Variants in CHN1 observed in about 807,000 individuals in gnomAD.
The protein encoded by CHN1 is N-chimaerin.
Under a neutral mutation model 59.5 loss-of-function variants are expected in CHN1, and 37 were observed. That is an observed-to-expected ratio of 0.62 (90% confidence interval 0.48 to 0.82). The LOEUF is 0.82. CHN1 is among the 40% of genes least tolerant of loss of function. CHN1 has a pLI of 0.00. For missense variants in CHN1, 469 were observed against 571.0 expected, an observed-to-expected ratio of 0.82 and a Z score of 1.82; for synonymous variants, 206 against 200.4, an observed-to-expected ratio of 1.03 and a Z score of -0.24.
At chr2:174,986,300 G>C (rs1691338335) in intron 1 of CHN1, among the ~76,000 whole-genome samples, 1 of 152,112 alleles carries the variant, frequency 6.6e-6, no homozygotes, top group Non-Finnish European at 1.5e-5. Context: ...AGAAAAGGGG[G>C]CCCTTTGTTT....
At chr2:174,985,291 T>C (rs957544938) in intron 1 of CHN1, among the ~76,000 whole-genome samples, 1 of 152,186 alleles carries the variant, frequency 6.6e-6, no homozygotes, top group African/African-American at 2.4e-5. Context: ...CTAATGACAA[T>C]GTTAATGTAA....
At position 174,802,734 on chromosome 2, in the gene CHN1, G is replaced by A. The variant is rs1018599379; in HGVS notation, c.1103-922C>T. 7.2e-5 allele frequency among the ~76,000 whole-genome samples: 11 copies of A among 152,294 alleles called. 1 individual carries two copies. In the South Asian group the frequency reaches 1.9e-3, roughly 26 times the overall value. Reference sequence around the variant, plus strand: ...TGCTTCTACTCAAAGGTCAAAAGATGGGGTGCTTTTAAAAGTTGGGTTAGG... The same window carrying A: ...TGCTTCTACTCAAAGGTCAAAAGATAGGGTGCTTTTAAAAGTTGGGTTAGG... On this transcript the variant is annotated intron_variant, in intron 11 of 12. Coordinates refer to ENST00000409900, the MANE Select transcript of CHN1 (RefSeq NM_001822.7).
chr2:174,926,790 C>T (rs569992866), intron 3 of CHN1, among the ~76,000 whole-genome samples: 1 of 151,430 alleles, frequency 6.6e-6, no homozygotes, highest in African/African-American at 2.4e-5. Context: ...CGGAGTCTTG[C>T]TCTGTTGCCC....
intron 1 of CHN1, among the ~76,000 whole-genome samples, chr2:174,975,988 T>C (rs1198801419): frequency 1.3e-5 from 2 of 150,406 alleles, no homozygotes; most frequent in African/African-American, 2.4e-5. Flanking sequence ...TAGCCGGGCA[T>C]GGTGGCGGGT....
At chr2:174,954,801 G>A (rs1017026671) in intron 1 of CHN1, among the ~76,000 whole-genome samples, 1 of 152,060 alleles carries the variant, frequency 6.6e-6, no homozygotes, top group African/African-American at 2.4e-5. Flanking sequence ...AATAAATGGT[G>A]TGGATGTGGT....
intron 6 of CHN1, among the ~76,000 whole-genome samples, chr2:174,863,637 A>G (rs1417834607): frequency 2.0e-5 from 3 of 152,158 alleles, no homozygotes; most frequent in Non-Finnish European, 4.4e-5. Context: ...AAAGCTCTTC[A>G]AAGTCTGCAG....
chr2:174,960,816 C>T (rs772006503), intron 1 of CHN1, among the ~76,000 whole-genome samples: 112 of 149,906 alleles, frequency 7.5e-4, no homozygotes, highest in Non-Finnish European at 1.3e-3. Flanking sequence ...AGCGTGACTC[C>T]GTCTCAAAAA....
intron 7 of CHN1, chr2:174,846,484 T>A: frequency 6.9e-7 from 1 of 1,456,858 alleles, no homozygotes; most frequent in Non-Finnish European, 9.1e-7. Flanking sequence ...CAACAGCACA[T>A]GCCTCTTATA....
chr2:174,955,266 T>C (rs1037513940), intron 1 of CHN1, among the ~76,000 whole-genome samples: 1 of 150,404 alleles, frequency 6.6e-6, no homozygotes, highest in African/African-American at 2.4e-5. Context: ...CATATATATA[T>C]ACACACCATG....
At chr2:174,891,360 C>T (rs372503944) in intron 5 of CHN1, among the ~76,000 whole-genome samples, 2 of 150,608 alleles carry the variant, frequency 1.3e-5, no homozygotes, top group Admixed American at 6.6e-5. Context: ...TCATGAGGTC[C>T]GGAGTTCAAG....
intron 1 of CHN1, among the ~76,000 whole-genome samples, chr2:174,992,772 G>T (rs1024841582): frequency 1.3e-5 from 2 of 152,052 alleles, no homozygotes; most frequent in South Asian, 4.1e-4. Context: ...AGTCAGTTGA[G>T]AGAGAATCCC....
intron 3 of CHN1, among the ~76,000 whole-genome samples, chr2:174,944,092 TTCAA>T (rs1460594562): frequency 2.0e-5 from 3 of 152,238 alleles, no homozygotes; most frequent in African/African-American, 7.2e-5. Context: ...TTCTATTCTA[TTCAA>T]TCAGTCTCCT....
intron 7 of CHN1, among the ~76,000 whole-genome samples, chr2:174,842,588 T>C (rs1686351417): frequency 1.3e-5 from 2 of 152,326 alleles, no homozygotes; most frequent in South Asian, 2.1e-4. Context: ...AATTTTATTA[T>C]AAATGTGAAC....
chr2:174,941,798 G>A (rs1689674589), intron 3 of CHN1, among the ~76,000 whole-genome samples: 2 of 151,934 alleles, frequency 1.3e-5, no homozygotes, highest in African/African-American at 4.8e-5. Context: ...TTGAACCTCT[G>A]GGCTCAAGCT....
chr2:174,823,323 T>C (rs1332721462), intron 8 of CHN1, among the ~76,000 whole-genome samples: 1 of 152,240 alleles, frequency 6.6e-6, no homozygotes, highest in Non-Finnish European at 1.5e-5. Flanking sequence ...GACCAAATAA[T>C]AGACATTTAA....
chr2:174,895,526 T>C (rs1475960553), intron 5 of CHN1, among the ~76,000 whole-genome samples: 1 of 151,996 alleles, frequency 6.6e-6, no homozygotes, highest in Non-Finnish European at 1.5e-5. Context: ...GAGTTAACAA[T>C]ACTGTAATTG....
At chr2:174,839,311 G>GTA (rs1686206819) in intron 7 of CHN1, among the ~76,000 whole-genome samples, 1 of 151,884 alleles carries the variant, frequency 6.6e-6, no homozygotes, top group South Asian at 2.1e-4. Flanking sequence ...AGAAAGTATG[G>GTA]TATATATATA....
chr2:175,002,507 T>C (rs1349974816), intron 1 of CHN1, among the ~76,000 whole-genome samples: 1 of 152,196 alleles, frequency 6.6e-6, no homozygotes, highest in Non-Finnish European at 1.5e-5. Context: ...AATCAGGTAA[T>C]GTTAGAGGCT....
chr2:174,816,231 GA>G (rs1685255030), intron 8 of CHN1, among the ~76,000 whole-genome samples: 1 of 152,200 alleles, frequency 6.6e-6, no homozygotes, highest in South Asian at 2.1e-4. Context: ...GGGTGGAGAA[GA>G]AAGTCAGGAT....
Sources: allele counts gnomAD v4.1 joint callset (sites outside exome capture counted in the v4.1 genomes callset), GRCh38; gene constraint gnomAD v4.1.1; transcripts MANE v1.5; gene names NCBI Gene and HGNC (gene_info 2026-07-23, HGNC 2026-07-21).